The following SYP variants were observed in gnomAD, a reference collection of about 807,000 sequenced individuals.
SYP encodes the protein major synaptic vesicle protein P38.
SYP carries 2 observed loss-of-function variants against 24.3 expected under a neutral mutation model. That is an observed-to-expected ratio of 0.08 (90% confidence interval 0.03 to 0.26). SYP has a LOEUF of 0.26. Among genes scored for constraint, SYP ranks in the 10% least tolerant of loss-of-function variants. SYP has a pLI of 1.00. For missense variants in SYP, 216 were observed against 266.3 expected (o/e 0.81, Z 1.32); for synonymous variants, 143 against 123.2 (o/e 1.16, Z -1.07).
intron 5 of SYP, 41 bp downstream of exon 5, chrX:49,193,231 G>A: frequency 1.7e-6 from 2 of 1,198,443 alleles, no homozygotes; most frequent in Non-Finnish European, 2.3e-6. Flanking sequence ...GGACTGTACT[G>A]TTTTCCACTC....
chrX:49,198,932 C>T (rs782412741), intron 2 of SYP, 36 bp downstream of exon 2: 3 of 1,207,331 alleles, frequency 2.5e-6, no homozygotes, highest in Non-Finnish European at 3.4e-6. Flanking sequence ...TCCCTCTCTC[C>T]CTGCACTCTG....
intron 5 of SYP, among the ~76,000 whole-genome samples, chrX:49,192,089 A>G (rs2065512003): frequency 8.8e-6 from 1 of 113,135 alleles, no homozygotes; most frequent in Admixed American, 9.3e-5. Context: ...TCATAGTAAA[A>G]TGTAAGGATA....
chrX:49,196,678 C>T (rs781836512), intron 3 of SYP, among the ~76,000 whole-genome samples: 77 of 111,439 alleles, frequency 6.9e-4, no homozygotes, highest in Non-Finnish European at 1.2e-3. Flanking sequence ...GAAACCTGTG[C>T]GGGGATTGTG....
intron 5 of SYP, 68 bp from the exon 6 acceptor site, chrX:49,191,831 A>G: frequency 9.2e-7 from 1 of 1,090,210 alleles, no homozygotes; most frequent in South Asian, 1.9e-5. Flanking sequence ...TGCAGGAATG[A>G]GCATGCGGGG....
At chrX:49,198,915 C>T (rs1557103633) in intron 2 of SYP, 53 bp downstream of exon 2, 5 of 1,185,249 alleles carry the variant, frequency 4.2e-6, no homozygotes, top group Non-Finnish European at 5.7e-6. Flanking sequence ...TTCTGGACCC[C>T]ATGACCTCCC....
In SYP at chrX:49,194,267, C is replaced by T; in HGVS notation, c.322G>A (p.Val108Ile). The T allele has an allele frequency of 8.3e-7, 1 of 1,211,571 alleles. No individual in the cohort carries two copies. Among genetic ancestry groups the T allele is most frequent in the Non-Finnish European group, 1.1e-6 (1 of 895,421 alleles). ...GDYSSSAEFF[V>I]TVAVFAFLYS... ...AGGAAGGCAAACACGGCCACGGTGA[C>T]AAAGAATTCGGCTGACGAGGAGTAG... Residue 108 changes from valine to isoleucine, a missense_variant, in exon 4 of 7, where the codon GTC (valine) becomes ATC (isoleucine). Coordinates refer to ENST00000263233, the MANE Select transcript of SYP (RefSeq NM_003179.3).
chrX:49,197,691 T>A (rs920616454), intron 3 of SYP, 24 bp downstream of exon 3: 2 of 1,203,356 alleles, frequency 1.7e-6, no homozygotes, highest in African/African-American at 3.5e-5. Flanking sequence ...CCAGGTCTGT[T>A]GGTATCCCAG....
At chrX:49,199,235 T>C in intron 1 of SYP, 1 of 453,821 alleles carries the variant, frequency 2.2e-6, no homozygotes, top group Non-Finnish European at 3.9e-6. Context: ...GTGAGTCAGA[T>C]GGCAGAGGAA....
chrX:49,193,607 C>G, intron 4 of SYP, 144 bp from the exon 5 acceptor site: 1 of 635,311 alleles, frequency 1.6e-6, no homozygotes, highest in Non-Finnish European at 2.4e-6. Context: ...ACACTTTCAC[C>G]TGAAGGTGGC....
At chrX:49,195,984 AG>A (rs1272353118) in intron 3 of SYP, among the ~76,000 whole-genome samples, 2 of 110,872 alleles carry the variant, frequency 1.8e-5, no homozygotes, top group Non-Finnish European at 3.8e-5. Context: ...GGGTCAGGAG[AG>A]GGGGTCCCTA....
At chrX:49,194,132 T>C in intron 4 of SYP, 34 bp downstream of exon 4, 1 of 1,204,506 alleles carries the variant, frequency 8.3e-7, no homozygotes, top group South Asian at 1.8e-5. Context: ...CGTGTCCCCA[T>C]GGTCCCTACA....
At position 49,194,178 on chromosome X, in the gene SYP, T is replaced by C. The variant is rs781900363; in HGVS notation, c.411A>G (p.Lys137=). 3.3e-6 allele frequency: 4 copies of C among 1,211,255 alleles called. No individual in the cohort carries two copies. Among genetic ancestry groups the C allele is most frequent in the Non-Finnish European group, 2.2e-6 (2 of 895,392 alleles). The part of the protein sequence containing the change: ...FLQNKYRENN[K]GPMLDFLATA... ...TGTGGGGACTCACCAGCATGGGCCC[T>C]TTGTTATTCTCTCGGTACTTGTTCT... The change falls in exon 4 of 7, where the codon AAA becomes AAG. Residue 137 remains lysine, a synonymous_variant. Transcript: ENST00000263233.
At chrX:49,196,796 C>T (rs1039085400) in intron 3 of SYP, among the ~76,000 whole-genome samples, 7 of 111,670 alleles carry the variant, frequency 6.3e-5, no homozygotes, top group Non-Finnish European at 1.1e-4. Context: ...GTGTATTGCC[C>T]GGCACACAGT....
intron 6 of SYP, chrX:49,191,202 G>A (rs1282011892): frequency 4.6e-6 from 2 of 437,749 alleles, no homozygotes; most frequent in East Asian, 7.8e-5. Context: ...CCTCCCATTG[G>A]CTCTTCATTC....
chrX:49,192,682 G>A (rs1294115639), intron 5 of SYP, among the ~76,000 whole-genome samples: 1 of 112,181 alleles, frequency 8.9e-6, no homozygotes, highest in Non-Finnish European at 1.9e-5. Flanking sequence ...CATCCAGCAA[G>A]TGACAGGAAA....
At chrX:49,193,135 T>C in intron 5 of SYP, 137 bp downstream of exon 5, 1 of 681,766 alleles carries the variant, frequency 1.5e-6, no homozygotes, top group Non-Finnish European at 2.3e-6. Flanking sequence ...TCCTTCAACG[T>C]TGTTGTTGGC....
At chrX:49,191,172 C>T (rs2065506603) in intron 6 of SYP, 11 of 417,532 alleles carry the variant, frequency 2.6e-5, no homozygotes, top group Non-Finnish European at 4.6e-5. Flanking sequence ...CGCCTTTCCG[C>T]CGAGTTGCCC....
chrX:49,194,940 C>T (rs2065523563), intron 3 of SYP, among the ~76,000 whole-genome samples: 1 of 111,179 alleles, frequency 9.0e-6, no homozygotes, highest in South Asian at 3.7e-4. Context: ...ATCTCTTGAC[C>T]TTGTGATCTG....
intron 3 of SYP, 101 bp downstream of exon 3, chrX:49,197,614 G>T (rs1557103466): frequency 9.0e-7 from 1 of 1,106,642 alleles, no homozygotes; most frequent in Admixed American, 2.6e-5. Flanking sequence ...TAGCCTCGAG[G>T]TGGGAGCTGG....
Sources: gnomAD v4.1 joint callset for allele counts (sites outside exome capture counted in the v4.1 genomes callset) on GRCh38, gnomAD v4.1.1 for gene constraint, MANE v1.5 for transcripts, NCBI Gene and HGNC (gene_info 2026-07-23, HGNC 2026-07-21) for gene names.